The following COL8A1 variants were observed in gnomAD, a reference collection of about 807,000 sequenced individuals.
COL8A1 encodes the protein collagen alpha-1(VIII) chain.
COL8A1 carries 21 observed loss-of-function variants against 42.7 expected under a neutral mutation model. The observed-to-expected ratio is 0.49, with a 90% CI of 0.35 to 0.71. The LOEUF (loss-of-function observed/expected upper bound fraction) is 0.71. Among genes scored for constraint, COL8A1 ranks in the 30% least tolerant of loss-of-function variants. The probability of loss-of-function intolerance (pLI) is 0.01; values close to 1 mark genes in which losing one functional copy is unlikely to be tolerated. For missense variants in COL8A1, 788 were observed against 962.4 expected (o/e 0.82, Z 2.40); for synonymous variants, 367 against 369.1 (o/e 0.99, Z 0.06).
chr3:99,795,410 G>A lies in COL8A1; in HGVS notation c.1509G>A (p.Gly503=). ...LQGPPGIPGI[G]GPSGPIGPPG... ...GCCCCCCAGGTATCCCAGGGATTGG[G>A]GGCCCTAGTGGCCCCATTGGACCAC... The change falls in exon 4 of 4, where the codon GGG becomes GGA. Residue 503 remains glycine, a synonymous_variant. Transcript: ENST00000652472. 1 of 1,542,912 alleles carries A rather than the reference G, an allele frequency of 6.5e-7. No homozygotes were observed. Among genetic ancestry groups the A allele is most frequent in the Non-Finnish European group, 8.8e-7 (1 of 1,142,614 alleles).
At chr3:99,705,802 T>A (rs1939667457) in intron 1 of COL8A1, among the ~76,000 whole-genome samples, 1 of 152,172 alleles carries the variant, frequency 6.6e-6, no homozygotes, top group Non-Finnish European at 1.5e-5. Flanking sequence ...TTTGGGGGAG[T>A]CATAATGAAC....
chr3:99,763,416 A>G (rs1289276134), intron 2 of COL8A1, among the ~76,000 whole-genome samples: 1 of 152,152 alleles, frequency 6.6e-6, no homozygotes, highest in Non-Finnish European at 1.5e-5. Flanking sequence ...CTGCCTGTCT[A>G]AACCTCTGAA....
At chr3:99,687,173 G>A (rs1939087432) in intron 1 of COL8A1, among the ~76,000 whole-genome samples, 2 of 152,172 alleles carry the variant, frequency 1.3e-5, no homozygotes, top group Admixed American at 6.5e-5. Context: ...AAATCCAAAG[G>A]CAATGTGGAG....
At chr3:99,646,947 T>G (rs1166330887) in intron 1 of COL8A1, among the ~76,000 whole-genome samples, 18 of 152,232 alleles carry the variant, frequency 1.2e-4, no homozygotes, top group Non-Finnish European at 2.5e-4. Context: ...ATGACTTTTG[T>G]ATAAAATCTC....
chr3:99,724,554 CA>C (rs1443675745), intron 1 of COL8A1, among the ~76,000 whole-genome samples: 1 of 152,040 alleles, frequency 6.6e-6, no homozygotes, highest in African/African-American at 2.4e-5. Context: ...CTAGAGGGAA[CA>C]GAACTCATTT....
chr3:99,700,473 G>A (rs1939505079), intron 1 of COL8A1, among the ~76,000 whole-genome samples: 1 of 152,018 alleles, frequency 6.6e-6, no homozygotes, highest in East Asian at 1.9e-4. Context: ...CTTGGTACGT[G>A]AAGTCACCTT....
intron 2 of COL8A1, among the ~76,000 whole-genome samples, chr3:99,758,279 G>A (rs1440820340): frequency 6.6e-6 from 1 of 151,972 alleles, no homozygotes; most frequent in Non-Finnish European, 1.5e-5. Flanking sequence ...TTCTTTGTCA[G>A]GTTTTAAATG....
intron 1 of COL8A1, chr3:99,679,392 T>A (rs138732061): frequency 6.6e-6 from 1 of 152,242 alleles, no homozygotes; most frequent in African/African-American, 2.4e-5. Flanking sequence ...TCATTACTGT[T>A]TGCTCTCTAT....
At chr3:99,790,421 G>C (rs912593121) in intron 2 of COL8A1, among the ~76,000 whole-genome samples, 1 of 152,168 alleles carries the variant, frequency 6.6e-6, no homozygotes, top group African/African-American at 2.4e-5. Flanking sequence ...AGGCAGAATC[G>C]ATATGGGGGA....
In COL8A1 at chr3:99,767,923, G is replaced by A. The variant is rs189730334; in HGVS notation, c.-3-22757G>A. 3.3e-3 allele frequency among the ~76,000 whole-genome samples: 508 copies of A among 152,304 alleles called. 4 individuals are homozygous for A. Among genetic ancestry groups the A allele is most frequent in the African/African-American group, 0.011 (473 of 41,574 alleles). On this transcript the variant is annotated intron_variant, in intron 2 of 3. Transcript: ENST00000652472. The stretch of plus-strand genomic sequence containing the variant: ...TATATCAATTTCCTGGGCCTGGAAC[G>A]AGAATATTGCCCATTCTCCTGTTGA...
At chr3:99,692,817 T>G (rs1939258766) in intron 1 of COL8A1, among the ~76,000 whole-genome samples, 1 of 152,222 alleles carries the variant, frequency 6.6e-6, no homozygotes, top group African/African-American at 2.4e-5. Context: ...CTCAGGTGTT[T>G]GTGGCAAGGC....
At chr3:99,740,797 C>T (rs988834349) in intron 1 of COL8A1, among the ~76,000 whole-genome samples, 3 of 152,074 alleles carry the variant, frequency 2.0e-5, no homozygotes, top group East Asian at 1.9e-4. Context: ...TATCATGTGC[C>T]CAGACCAGAA....
chr3:99,713,247 C>T (rs1169480632), intron 1 of COL8A1, among the ~76,000 whole-genome samples: 1 of 152,042 alleles, frequency 6.6e-6, no homozygotes, highest in Non-Finnish European at 1.5e-5. Flanking sequence ...AAAGATAAAG[C>T]CAGAGTTAAT....
chr3:99,692,901 G>C (rs557370346), intron 1 of COL8A1, among the ~76,000 whole-genome samples: 3 of 152,376 alleles, frequency 2.0e-5, no homozygotes, highest in South Asian at 2.1e-4. Flanking sequence ...GCTCACGCCT[G>C]TAATCCCAAC....
chr3:99,784,789 A>G (rs1941860249), intron 2 of COL8A1, among the ~76,000 whole-genome samples: 1 of 152,194 alleles, frequency 6.6e-6, no homozygotes, highest in African/African-American at 2.4e-5. Context: ...TCATGACTAC[A>G]TAGTACCTGG....
intron 2 of COL8A1, among the ~76,000 whole-genome samples, chr3:99,783,861 T>C (rs532507912): frequency 5.3e-5 from 8 of 152,206 alleles, no homozygotes; most frequent in Non-Finnish European, 8.8e-5. Flanking sequence ...TCTCTCTAGG[T>C]CCCTCCCTTG....
In COL8A1 at chr3:99,774,004, C is replaced by T. The variant is rs1258351536; in HGVS notation, c.-3-16676C>T. Among the ~76,000 whole-genome samples, 8 of 150,124 alleles carry T rather than the reference C, an allele frequency of 5.3e-5. No homozygotes were observed. The East Asian group carries it at 1.4e-3, about 26-fold the overall frequency. On this transcript the variant is annotated intron_variant, in intron 2 of 3. Coordinates refer to ENST00000652472, the MANE Select transcript of COL8A1 (RefSeq NM_020351.4). Reference sequence around the variant, plus strand: ...GGATTACAGGCGCCCACCACCACGCCCAGCTAATTTTTGTATTTTTAGTAG... The same window carrying T: ...GGATTACAGGCGCCCACCACCACGCTCAGCTAATTTTTGTATTTTTAGTAG...
intron 1 of COL8A1, among the ~76,000 whole-genome samples, chr3:99,650,949 T>C (rs964621524): frequency 5.3e-5 from 8 of 152,234 alleles, no homozygotes; most frequent in African/African-American, 1.7e-4. Context: ...TGCAGTAGTG[T>C]TCATTAAATG....
chr3:99,784,697 G>A (rs1183612661), intron 2 of COL8A1, among the ~76,000 whole-genome samples: 1 of 152,180 alleles, frequency 6.6e-6, no homozygotes, highest in African/African-American at 2.4e-5. Context: ...CTAGGTGACA[G>A]GAATTTTTCA....
Sources: gnomAD v4.1 joint callset for allele counts (sites outside exome capture counted in the v4.1 genomes callset) on GRCh38, gnomAD v4.1.1 for gene constraint, MANE v1.5 for transcripts, NCBI Gene and HGNC (gene_info 2026-07-23, HGNC 2026-07-21) for gene names.